NPSR1: variants seen among roughly 807,000 people sequenced by gnomAD.
The protein encoded by NPSR1 is neuropeptide S receptor.
Under a neutral mutation model 46.9 loss-of-function variants are expected in NPSR1, and 48 were observed. That is an observed-to-expected ratio of 1.02 (90% CI 0.81 to 1.30). The LOEUF is 1.30. Among genes scored for constraint, NPSR1 ranks in the 50% most tolerant of loss-of-function variants. The pLI is 0.00. For synonymous variants in NPSR1, 176 were observed against 168.1 expected (o/e 1.05, Z -0.36); for missense variants, 450 against 449.5 (o/e 1.00, Z -0.01).
intron 3 of NPSR1, among the ~76,000 whole-genome samples, chr7:34,805,650 A>G (rs1252559440): frequency 1.3e-5 from 2 of 152,000 alleles, no homozygotes; most frequent in African/African-American, 4.8e-5. Flanking sequence ...GTTTTTAGAT[A>G]CAACACCAGA....
intron 3 of NPSR1, chr7:34,779,451 A>C: frequency 4.8e-6 from 2 of 416,624 alleles, no homozygotes; most frequent in Non-Finnish European, 8.0e-6. Context: ...TTATCCTGCT[A>C]GATTCCATTT....
At chr7:34,830,454 TA>T (rs1790065402) in intron 5 of NPSR1, among the ~76,000 whole-genome samples, 1 of 152,230 alleles carries the variant, frequency 6.6e-6, no homozygotes, top group African/African-American at 2.4e-5. Context: ...TTGTTTTTTT[TA>T]AAGTACTTAT....
intron 8 of NPSR1, among the ~76,000 whole-genome samples, chr7:34,856,151 G>GC (rs1479841564): frequency 8.1e-5 from 12 of 148,282 alleles, no homozygotes; most frequent in African/African-American, 2.9e-4. Context: ...CCTAGTCAAT[G>GC]TAGTAAAACA....
intron 6 of NPSR1, among the ~76,000 whole-genome samples, chr7:34,838,513 G>T (rs1267813984): frequency 6.6e-6 from 1 of 152,076 alleles, no homozygotes; most frequent in African/African-American, 2.4e-5. Context: ...TCTGGAGTTG[G>T]CAGGTAAATC....
intron 3 of NPSR1, among the ~76,000 whole-genome samples, chr7:34,780,324 A>G (rs1393854173): frequency 6.6e-6 from 1 of 152,156 alleles, no homozygotes; most frequent in African/African-American, 2.4e-5. Flanking sequence ...GGTTTCTCCC[A>G]ATTGTTAACT....
chr7:34,694,784 A>G (rs1793433171), intron 2 of NPSR1, among the ~76,000 whole-genome samples: 1 of 152,228 alleles, frequency 6.6e-6, no homozygotes, highest in Admixed American at 6.5e-5. Flanking sequence ...ATCTTGGCTC[A>G]CTGCAACCTA....
chr7:34,815,880 A>G (rs1789222125), intron 4 of NPSR1, among the ~76,000 whole-genome samples: 1 of 152,218 alleles, frequency 6.6e-6, no homozygotes, highest in African/African-American at 2.4e-5. Context: ...AGATTTTGTC[A>G]CCACCAGGCC....
chr7:34,802,722 T>C (rs1401596690), intron 3 of NPSR1, among the ~76,000 whole-genome samples: 1 of 150,438 alleles, frequency 6.6e-6, no homozygotes, highest in Non-Finnish European at 1.5e-5. Flanking sequence ...AAATGGGATC[T>C]AATTAAACTA....
intron 1 of NPSR1, among the ~76,000 whole-genome samples, chr7:34,670,129 T>C (rs1475595267): frequency 1.3e-5 from 2 of 152,188 alleles, no homozygotes; most frequent in African/African-American, 2.4e-5. Context: ...ATTTGAAATT[T>C]TTATTTAAAA....
chr7:34,877,063 T>A (rs1189268859), intron 8 of NPSR1, among the ~76,000 whole-genome samples: 1 of 151,152 alleles, frequency 6.6e-6, no homozygotes, highest in African/African-American at 2.4e-5. Context: ...TCCATAGGAG[T>A]TGGGAAGTTA....
At chr7:34,803,226 C>T (rs1158955240) in intron 3 of NPSR1, among the ~76,000 whole-genome samples, 1 of 151,804 alleles carries the variant, frequency 6.6e-6, no homozygotes, top group Non-Finnish European at 1.5e-5. Flanking sequence ...GGTATTTACC[C>T]AAAGGACTAT....
chr7:34,770,341 A>G lies in NPSR1; in HGVS notation c.281-8121A>G, dbSNP rs144040974. On this transcript the variant is annotated intron_variant, in intron 2 of 8. Coordinates refer to ENST00000360581, the MANE Select transcript of NPSR1 (RefSeq NM_207172.2). ...ATGACTGCTCACATCTGACCTTCTCAGTAAGGACTTTTCTTATAGCTTAGA... is the reference window on the plus strand; with the variant it reads ...ATGACTGCTCACATCTGACCTTCTCGGTAAGGACTTTTCTTATAGCTTAGA... Among the ~76,000 whole-genome samples, 167 of 152,314 alleles carry G rather than the reference A, an allele frequency of 1.1e-3. 1 individual carries two copies. The highest frequency in any genetic ancestry group is 3.9e-3 in the African/African-American group (164 of 41,568).
At chr7:34,805,349 G>C (rs1188933789) in intron 3 of NPSR1, among the ~76,000 whole-genome samples, 1 of 151,720 alleles carries the variant, frequency 6.6e-6, no homozygotes, top group Admixed American at 6.6e-5. Context: ...TGATGAAACA[G>C]AACAGAGAGC....
intron 1 of NPSR1, among the ~76,000 whole-genome samples, chr7:34,679,155 T>C (rs1042993101): frequency 6.6e-6 from 1 of 152,052 alleles, no homozygotes; most frequent in Non-Finnish European, 1.5e-5. Flanking sequence ...AGTGAACAAA[T>C]TAAAATAAAA....
rs1789002595 is a variant in NPSR1 at position 34,811,851 on chromosome 7, T to A, written c.466T>A (p.Phe156Ile). 1.2e-6 allele frequency: 2 copies of A among 1,612,418 alleles called. No homozygotes were observed. The highest frequency in any genetic ancestry group is 1.7e-6 in the Non-Finnish European group (2 of 1,178,838). Residue 156 changes from phenylalanine (F) to isoleucine (I), a missense_variant, in exon 4 of 9, where the codon TTC (phenylalanine) becomes ATC (isoleucine). Transcript: ENST00000360581. ...CCATGCCATCGTCTACCCCATGAAG[T>A]TCCTTCAAGGAGGTGAGCTGGCTTT... ...RYHAIVYPMK[F>I]LQGEKQARVL...
In NPSR1 at chr7:34,784,617, T is replaced by C. The variant is rs930800571; in HGVS notation, c.384+6052T>C. ...TTTATTGAGGATTTTTCCATCAATG[T>C]TCATCAAGGATATTGGTCTAAAATT... On this transcript the variant is annotated intron_variant, in intron 3 of 8. Coordinates refer to ENST00000360581, the MANE Select transcript of NPSR1 (RefSeq NM_207172.2). Among the ~76,000 whole-genome samples the C allele has an allele frequency of 3.3e-5, 5 of 152,172 alleles. No individual in the cohort carries two copies. In the East Asian group the frequency reaches 9.6e-4, roughly 29 times the overall value.
chr7:34,742,021 T>G (rs1190351921), intron 2 of NPSR1, among the ~76,000 whole-genome samples: 2 of 152,238 alleles, frequency 1.3e-5, no homozygotes, highest in Non-Finnish European at 2.9e-5. Flanking sequence ...AATTGCACCT[T>G]TTTTTAACTT....
At chr7:34,815,874 T>G (rs1240203778) in intron 4 of NPSR1, among the ~76,000 whole-genome samples, 2 of 152,102 alleles carry the variant, frequency 1.3e-5, no homozygotes, top group Non-Finnish European at 2.9e-5. Context: ...GCTGAGAGAT[T>G]TTGTCACCAC....
At chr7:34,702,149 T>C (rs757046301) in intron 2 of NPSR1, among the ~76,000 whole-genome samples, 26 of 152,204 alleles carry the variant, frequency 1.7e-4, no homozygotes, top group Non-Finnish European at 2.9e-4. Flanking sequence ...CAGATGGCGG[T>C]TGGTTCAAGA....
Sources: allele counts gnomAD v4.1 joint callset (sites outside exome capture counted in the v4.1 genomes callset), GRCh38; gene constraint gnomAD v4.1.1; transcripts MANE v1.5; gene names NCBI Gene and HGNC (gene_info 2026-07-23, HGNC 2026-07-21).